Variants in RUVBL1 observed in about 807,000 individuals in gnomAD.
RUVBL1 encodes the protein RuvB like AAA ATPase 1.
In RUVBL1, 4 loss-of-function variants were observed where a neutral mutation model predicts 52.4. The observed-to-expected ratio is 0.08, with a 90% confidence interval of 0.04 to 0.17. The LOEUF is 0.17. Among genes scored for constraint, RUVBL1 ranks in the 10% least tolerant of loss-of-function variants. The pLI is 1.00. For missense variants in RUVBL1, 298 were observed against 572.8 expected, an observed-to-expected ratio of 0.52 and a Z score of 4.90; for synonymous variants, 217 against 214.4, an observed-to-expected ratio of 1.01 and a Z score of -0.10.
chr3:128,104,783 T>C lies in RUVBL1; in HGVS notation c.503A>G (p.Lys168Arg). 6.2e-7 allele frequency: 1 copy of C among 1,609,306 alleles called. No individual in the cohort carries two copies. The highest frequency in any genetic ancestry group is 8.5e-7 in the Non-Finnish European group (1 of 1,175,984). ...IIGLKTAKGT[K>R]QLKLDPSIFE... Reference sequence around the variant, plus strand: ...CATACATGTACTCACTTTCAACTGTTTGGTTCCTTTGGCTGTTTTGAGTCC... The same window carrying C: ...CATACATGTACTCACTTTCAACTGTCTGGTTCCTTTGGCTGTTTTGAGTCC... Residue 168 changes from lysine to arginine, a missense_variant, in exon 4 of 11, where the codon AAA becomes AGA. By Grantham distance (26) the Lys-to-Arg change is conservative (BLOSUM62 2). Around this residue, in one of 5 missense-constraint regions of RUVBL1, gnomAD observed 58 missense variants for 83.2 expected, o/e 0.70. Coordinates refer to ENST00000322623, the MANE Select transcript of RUVBL1 (RefSeq NM_003707.3).
intron 4 of RUVBL1, among the ~76,000 whole-genome samples, chr3:128,104,509 GA>G (rs1246691162): frequency 3.9e-5 from 6 of 152,182 alleles, no homozygotes; most frequent in Admixed American, 6.5e-5. Context: ...GCAGTTTCTT[GA>G]CTTAACCACA....
At chr3:128,097,009 G>A (rs116482828) in intron 8 of RUVBL1, among the ~76,000 whole-genome samples, 219 of 152,262 alleles carry the variant, frequency 1.4e-3, no homozygotes, top group African/African-American at 4.7e-3. Context: ...TGTCATCAAA[G>A]GCTAGCCCTG....
chr3:128,147,826 A>G (rs909202166), intron 1 of RUVBL1, among the ~76,000 whole-genome samples: 4 of 152,200 alleles, frequency 2.6e-5, no homozygotes, highest in Admixed American at 1.3e-4. Flanking sequence ...TAATAGCCAA[A>G]ACCTGGAAAC....
intron 9 of RUVBL1, among the ~76,000 whole-genome samples, chr3:128,073,447 T>C (rs1942226632): frequency 6.6e-6 from 1 of 152,128 alleles, no homozygotes; most frequent in Admixed American, 6.6e-5. Context: ...CTGAGCCCCA[T>C]GGCCTGGGGA....
chr3:128,152,603 G>A (rs761463924), intron 1 of RUVBL1, among the ~76,000 whole-genome samples: 13 of 152,052 alleles, frequency 8.5e-5, no homozygotes, highest in Non-Finnish European at 1.5e-4. Flanking sequence ...GTAGCCCAGC[G>A]GAACCCACCA....
chr3:128,069,826 A>T (rs1942103662), intron 9 of RUVBL1: 1 of 706,452 alleles, frequency 1.4e-6, no homozygotes, highest in African/African-American at 1.8e-5. Context: ...CCAATTTAAA[A>T]TTTTGCTTTT....
intron 3 of RUVBL1, among the ~76,000 whole-genome samples, chr3:128,106,442 C>G (rs929321467): frequency 6.6e-6 from 1 of 152,064 alleles, no homozygotes. Flanking sequence ...TCCTAGCAGA[C>G]TCAGTTTAAA....
rs185130601 is a variant in RUVBL1 at position 128,150,928 on chromosome 3, A to T, written c.-40+2275T>A. 2.6e-3 allele frequency among the ~76,000 whole-genome samples: 176 copies of T among 67,128 alleles called. 4 individuals carry two copies. Among genetic ancestry groups the T allele is most frequent in the African/African-American group, 9.6e-3 (130 of 13,544 alleles). 44.0% of individuals were successfully genotyped at this position (67,128 alleles called of 152,430 possible). On this transcript the variant is annotated intron_variant, in intron 1 of 9. Transcript: ENST00000464873. ...ATATAATATTCTATATTATATATAT[A>T]ATATATTCTATATATTATATATATT...
chr3:128,115,372 T>G (rs757795677), intron 2 of RUVBL1, among the ~76,000 whole-genome samples: 1 of 152,216 alleles, frequency 6.6e-6, no homozygotes, highest in Non-Finnish European at 1.5e-5. Context: ...GAATATCTCC[T>G]TCTTCTAAAA....
Position 128,098,913 on chromosome 3 carries a change from C to T in RUVBL1, c.786G>A (p.Gln262=), listed in dbSNP as rs759698615. 1 of 1,614,084 alleles carries T rather than the reference C, an allele frequency of 6.2e-7. No homozygotes were observed. The highest frequency in any genetic ancestry group is 1.7e-5 in the Admixed American group (1 of 60,026). ...GGQDILSMMG[Q]LMKPKKTEIT... is the part of the protein sequence containing the mutation. ...TTTCTGTCTTCTTTGGCTTCATTAG[C>T]TGGCCCATCATGGACAGGATATCTT... Residue 262 remains glutamine, a synonymous_variant, in exon 7 of 11, where the codon CAG becomes CAA. Coordinates refer to ENST00000322623, the MANE Select transcript of RUVBL1 (RefSeq NM_003707.3).
chr3:128,067,269 A>G lies in RUVBL1; in HGVS notation c.940-2049T>C, dbSNP rs934613208. The G allele has an allele frequency of 4.6e-6, 6 of 1,302,986 alleles. No homozygotes were observed. The highest frequency in any genetic ancestry group is 3.0e-5 in the African/African-American group (2 of 67,722). 80.7% of individuals were successfully genotyped at this position (1,302,986 alleles called of 1,614,324 possible). A position where few individuals can be genotyped will look rare whatever the true frequency, so the allele number is the denominator to read the frequency against. ...GATATTTTCCATTGTGCCTTTTACA[A>G]ATTCAGCACATTAAATTATCTTTTC... On this transcript the variant is annotated intron_variant, in intron 9 of 9. Coordinates refer to the RUVBL1 transcript ENST00000464873. The surrounding 1 kb of genome is among the most constrained non-coding windows in gnomAD (Gnocchi z 4.1).
At chr3:128,074,682 A>G (rs1942255721) in intron 9 of RUVBL1, among the ~76,000 whole-genome samples, 1 of 151,972 alleles carries the variant, frequency 6.6e-6, no homozygotes, top group Non-Finnish European at 1.5e-5. Context: ...ATCTCTACTA[A>G]AAACACAAAA....
At chr3:128,075,578 C>G (rs1942290926) in intron 9 of RUVBL1, among the ~76,000 whole-genome samples, 1 of 152,100 alleles carries the variant, frequency 6.6e-6, no homozygotes, top group South Asian at 2.1e-4. Context: ...GGACTTCAAC[C>G]TCGCTTGCTG....
chr3:128,100,613 C>T lies in RUVBL1; in HGVS notation c.735G>A (p.Val245=). 1.9e-6 allele frequency: 3 copies of T among 1,610,474 alleles called. No homozygotes were observed. The highest frequency in any genetic ancestry group is 1.7e-6 in the Non-Finnish European group (2 of 1,178,870). Residue 245 remains valine, a synonymous_variant, in exon 6 of 11, where the codon GTG becomes GTA. Transcript: ENST00000322623. ...GCAGTACCTGGGGCCGCGCATTAGC[C>T]ACATCCAAGTCATGCAAGGTCACAT... ...IQDVTLHDLD[V]ANARPQGGQD... is the part of the protein sequence containing the mutation.
chr3:128,083,582 T>C (rs1326290240), intron 9 of RUVBL1: 2 of 152,196 alleles, frequency 1.3e-5, no homozygotes, highest in Non-Finnish European at 2.9e-5. Context: ...GGACAGCACA[T>C]TGGCTGCCCA....
At chr3:128,146,066 G>GGGGGCTGTACTTTTAGA (rs1944099081) in intron 1 of RUVBL1, among the ~76,000 whole-genome samples, 1 of 152,186 alleles carries the variant, frequency 6.6e-6, no homozygotes, top group South Asian at 2.1e-4. Context: ...GGAGTAGGGA[G>GGGGGCTGTACTTTTAGA]GGGGCTGTAC....
rs148277951 is a variant in RUVBL1, at chr3:128,066,675, C to T, written c.940-1455G>A. The T allele has an allele frequency of 9.4e-4, 416 of 442,700 alleles. 4 individuals are homozygous for T. Among genetic ancestry groups the T allele is most frequent in the African/African-American group, 6.9e-3 (347 of 50,262 alleles). The allele number at this position is 442,700 out of a possible 1,614,324, so 27.4% of individuals were successfully genotyped here. On this transcript the variant is annotated intron_variant, in intron 9 of 9. Coordinates refer to the RUVBL1 transcript ENST00000464873. ...CTGGGCTCAAGCAATTCTCCCACCT[C>T]GGCCTCCCAAAGTGCTGGGATTACA... is the stretch of plus-strand genomic sequence containing the variant.
chr3:128,131,607 T>G (rs1449691541), intron 1 of RUVBL1, among the ~76,000 whole-genome samples: 1 of 152,218 alleles, frequency 6.6e-6, no homozygotes, highest in Non-Finnish European at 1.5e-5. Context: ...AAACCCAATT[T>G]AGCAGTGTGT....
At chr3:128,069,341 A>T in intron 9 of RUVBL1, 1 of 811,492 alleles carries the variant, frequency 1.2e-6, no homozygotes, top group Non-Finnish European at 2.0e-6. Flanking sequence ...CTAGCATGTT[A>T]GTAGATGACT....
Sources: allele counts gnomAD v4.1 joint callset (sites outside exome capture counted in the v4.1 genomes callset), GRCh38; gene constraint gnomAD v4.1.1; regional missense constraint gnomAD v4.1.1; non-coding constraint Gnocchi (gnomAD v3.1); transcripts MANE v1.5; gene names NCBI Gene and HGNC (gene_info 2026-07-23, HGNC 2026-07-21).